Variants in STIM1 observed in about 807,000 individuals in gnomAD.
STIM1 encodes the protein stromal interaction molecule 1.
In STIM1, 25 loss-of-function variants were observed where a neutral mutation model predicts 74.7. The ratio of observed to expected loss-of-function variants is 0.33; its 90% confidence interval spans 0.24 to 0.47. The LOEUF is 0.47. Among genes scored for constraint, STIM1 ranks in the 20% least tolerant of loss-of-function variants. STIM1 has a pLI of 1.00. For missense variants in STIM1, 728 were observed against 920.8 expected, an observed-to-expected ratio of 0.79 and a Z score of 2.71; for synonymous variants, 328 against 348.8, an observed-to-expected ratio of 0.94 and a Z score of 0.66.
chr11:3,968,414 T>C (rs1235748577), intron 2 of STIM1, among the ~76,000 whole-genome samples: 1 of 152,250 alleles, frequency 6.6e-6, no homozygotes, highest in Non-Finnish European at 1.5e-5. Flanking sequence ...TATATCACGA[T>C]GGGGGAGATA....
intron 1 of STIM1, chr11:3,893,011 C>G (rs1243029621): frequency 6.4e-6 from 4 of 626,642 alleles, no homozygotes; most frequent in African/African-American, 1.8e-5. Context: ...CTCAAGCAAT[C>G]CACCCACTTC....
intron 3 of STIM1, among the ~76,000 whole-genome samples, chr11:4,037,680 G>A (rs1169322681): frequency 6.6e-6 from 1 of 152,046 alleles, no homozygotes; most frequent in African/African-American, 2.4e-5. Context: ...TACATTTCCT[G>A]TAGGTGCATA....
At chr11:3,967,516 C>G (rs2093350550) in intron 1 of STIM1, 36 bp from the exon 2 acceptor site, 1 of 1,613,620 alleles carries the variant, frequency 6.2e-7, no homozygotes, top group Admixed American at 1.7e-5. Flanking sequence ...TGGGTGGCAG[C>G]TCTGAGTAAT....
At chr11:4,084,067 C>T (rs867208147) in intron 10 of STIM1, among the ~76,000 whole-genome samples, 2 of 152,212 alleles carry the variant, frequency 1.3e-5, no homozygotes, top group Non-Finnish European at 2.9e-5. Context: ...ATCCTACCCG[C>T]TCTTCCTCTG....
intron 1 of STIM1, among the ~76,000 whole-genome samples, chr11:3,872,468 T>A (rs1461352434): frequency 6.6e-6 from 1 of 152,132 alleles, no homozygotes; most frequent in Non-Finnish European, 1.5e-5. Context: ...GGCTTTTGAG[T>A]ACAATATGTT....
intron 2 of STIM1, among the ~76,000 whole-genome samples, chr11:3,997,063 T>C (rs2093669387): frequency 6.6e-6 from 1 of 152,246 alleles, no homozygotes; most frequent in South Asian, 2.1e-4. Flanking sequence ...TTTGTAAGAC[T>C]GGAGATGTTA....
chr11:4,033,939 T>C (rs897453494), intron 3 of STIM1, among the ~76,000 whole-genome samples: 4 of 151,646 alleles, frequency 2.6e-5, no homozygotes, highest in African/African-American at 9.7e-5. Context: ...CACCATAAAA[T>C]ATAATGTTGG....
At chr11:4,073,776 A>G (rs2094420522) in intron 6 of STIM1, among the ~76,000 whole-genome samples, 1 of 152,178 alleles carries the variant, frequency 6.6e-6, no homozygotes, top group Non-Finnish European at 1.5e-5. Context: ...GATCTTATCC[A>G]CTAAGGAAGA....
At chr11:4,073,242 C>A (rs1229309702) in intron 6 of STIM1, among the ~76,000 whole-genome samples, 1 of 150,922 alleles carries the variant, frequency 6.6e-6, no homozygotes, top group Non-Finnish European at 1.5e-5. Context: ...CCCCTGGTAA[C>A]CTGGTGGTTT....
intron 1 of STIM1, among the ~76,000 whole-genome samples, chr11:3,909,007 C>T (rs941547297): frequency 1.3e-5 from 2 of 152,190 alleles, no homozygotes; most frequent in Non-Finnish European, 2.9e-5. Flanking sequence ...TTCTCCCCTA[C>T]CACCCCAGAG....
intron 1 of STIM1, among the ~76,000 whole-genome samples, chr11:3,871,906 C>T (rs905509377): frequency 6.6e-6 from 1 of 152,216 alleles, no homozygotes; most frequent in East Asian, 1.9e-4. Flanking sequence ...TTTATTCATA[C>T]ACAAATTTGA....
chr11:3,970,890 T>A (rs1216077008), intron 2 of STIM1, among the ~76,000 whole-genome samples: 1 of 152,180 alleles, frequency 6.6e-6, no homozygotes, highest in East Asian at 1.9e-4. Context: ...GCCTAAAACA[T>A]TTAAATACAA....
At chr11:4,060,940 A>G (rs1193843182) in intron 5 of STIM1, among the ~76,000 whole-genome samples, 2 of 151,430 alleles carry the variant, frequency 1.3e-5, no homozygotes, top group Non-Finnish European at 2.9e-5. Context: ...GCCTTATTAA[A>G]CTCTCCCTAT....
intron 1 of STIM1, among the ~76,000 whole-genome samples, chr11:3,915,083 G>T (rs1029715783): frequency 1.3e-5 from 2 of 151,900 alleles, no homozygotes; most frequent in African/African-American, 4.8e-5. Context: ...GTGTATTTAA[G>T]TCCTTTGTCC....
chr11:3,941,013 G>T (rs1171691425), intron 1 of STIM1, among the ~76,000 whole-genome samples: 2 of 152,152 alleles, frequency 1.3e-5, no homozygotes, highest in African/African-American at 4.8e-5. Context: ...CTGTGCCTCA[G>T]TTTCTTGAGC....
intron 3 of STIM1, among the ~76,000 whole-genome samples, chr11:4,040,164 T>A (rs1001415245): frequency 2.0e-5 from 3 of 152,216 alleles, no homozygotes; most frequent in Non-Finnish European, 4.4e-5. Context: ...CCCTAGAAGG[T>A]AGTGTTTTTC....
chr11:3,903,747 C>G (rs2092404384), intron 1 of STIM1: 1 of 152,220 alleles, frequency 6.6e-6, no homozygotes, highest in Admixed American at 6.5e-5. Context: ...GACTGATAGT[C>G]TGGTTGCTTA....
At chr11:3,973,998 T>G in intron 2 of STIM1, 1 of 682,374 alleles carries the variant, frequency 1.5e-6, no homozygotes. Flanking sequence ...ACAGCTCTTC[T>G]GTCCACCTTA....
intron 4 of STIM1, among the ~76,000 whole-genome samples, chr11:4,056,043 A>G (rs531806009): frequency 7.2e-5 from 11 of 152,288 alleles, no homozygotes; most frequent in African/African-American, 2.6e-4. Context: ...CAAAACTGAG[A>G]TTTGAATCTT....
Sources: allele counts gnomAD v4.1 joint callset (sites outside exome capture counted in the v4.1 genomes callset), GRCh38; gene constraint gnomAD v4.1.1; transcripts MANE v1.5; gene names NCBI Gene and HGNC (gene_info 2026-07-23, HGNC 2026-07-21).